Variants in FHAD1 observed in about 807,000 individuals in gnomAD.
FHAD1 encodes forkhead associated phosphopeptide binding domain 1, also known as forkhead-associated domain-containing protein 1.
Under a neutral mutation model 191.3 loss-of-function variants are expected in FHAD1, and 146 were observed. The ratio of observed to expected loss-of-function variants is 0.76; its 90% CI spans 0.67 to 0.88. The LOEUF is 0.88. Among genes scored for constraint, FHAD1 ranks in the 40% least tolerant of loss-of-function variants. The pLI is 0.00. For synonymous variants in FHAD1, 616 were observed against 672.3 expected, an observed-to-expected ratio of 0.92 and a Z score of 1.29; for missense variants, 1,635 against 1,785.8, an observed-to-expected ratio of 0.92 and a Z score of 1.52.
intron 8 of FHAD1, chr1:15,314,329 C>T (rs1002589030): frequency 1.3e-5 from 2 of 152,132 alleles, no homozygotes; most frequent in African/African-American, 2.4e-5. Flanking sequence ...GACCGCAGTG[C>T]CCCAACTGGA....
intron 8 of FHAD1, 79 bp downstream of exon 8, chr1:15,313,266 C>G (rs1672849988): frequency 7.8e-7 from 1 of 1,286,226 alleles, no homozygotes; most frequent in East Asian, 5.2e-5. Flanking sequence ...ATGCTTGTTT[C>G]ATTCACCCTG....
chr1:15,386,488 G>A (rs532652302), intron 31 of FHAD1, among the ~76,000 whole-genome samples: 22 of 152,380 alleles, frequency 1.4e-4, no homozygotes, highest in Non-Finnish European at 2.8e-4. Flanking sequence ...TAAATGCACA[G>A]AAGTTGCCCT....
At chr1:15,310,143 G>A (rs545090878) in intron 7 of FHAD1, among the ~76,000 whole-genome samples, 3 of 152,354 alleles carry the variant, frequency 2.0e-5, no homozygotes, top group African/African-American at 7.2e-5. Context: ...AGGTGGTGGA[G>A]AGGGAATGAG....
Position 15,329,420 on chromosome 1 carries a change from C to T in FHAD1, c.1785C>T (p.Ser595=). Residue 595 remains serine, a synonymous_variant, in exon 14 of 34, where the codon AGC becomes AGT. Coordinates refer to ENST00000688493, the MANE Select transcript of FHAD1 (RefSeq NM_001391957.1). This position sits in a 1 kb window ranked among gnomAD's most constrained non-coding sequence, Gnocchi z 5.0. ...EVDLLQHLQV[S]PPVSGLQKVV... is the part of the protein sequence containing the mutation. ...ACCTTCTTCAGCACCTCCAGGTGAG[C>T]CCACCTGTCTCGGGGCTCCAGAAGG... The T allele has an allele frequency of 1.3e-6, 2 of 1,551,266 alleles. No homozygotes were observed. Among genetic ancestry groups the T allele is most frequent in the Non-Finnish European group, 1.7e-6 (2 of 1,146,954 alleles).
rs1196686789 is a variant in FHAD1 at position 15,361,990 on chromosome 1, G to A, written c.2963-652G>A. Among the ~76,000 whole-genome samples, 4 of 148,752 alleles carry A rather than the reference G, an allele frequency of 2.7e-5. No individual in the cohort carries two copies. In the Admixed American group the frequency reaches 2.7e-4, roughly 10 times the overall value. On this transcript the variant is annotated intron_variant, in intron 22 of 33. Transcript: ENST00000688493. The stretch of plus-strand genomic sequence containing the variant: ...TTGCACTCCAGCCTAGCAACAAAGC[G>A]AGACTCTGTCTCAAAAAAAAAAAAA...
chr1:15,393,692 T>C (rs1261051824), intron 33 of FHAD1, among the ~76,000 whole-genome samples: 3 of 150,548 alleles, frequency 2.0e-5, no homozygotes, highest in Non-Finnish European at 4.4e-5. Flanking sequence ...AACCTCCACT[T>C]CCCAGGCTCA....
At chr1:15,337,643 A>G (rs1684774493) in intron 14 of FHAD1, among the ~76,000 whole-genome samples, 1 of 152,188 alleles carries the variant, frequency 6.6e-6, no homozygotes, top group East Asian at 1.9e-4. Context: ...GACAGCCCCA[A>G]CAGCAAAGAC....
chr1:15,321,984 G>T (rs1280166271), intron 10 of FHAD1, among the ~76,000 whole-genome samples: 1 of 152,192 alleles, frequency 6.6e-6, no homozygotes, highest in Non-Finnish European at 1.5e-5. Context: ...GGCTTCATTT[G>T]TTTCTATTTA....
chr1:15,301,697 A>C (rs1668829864), intron 6 of FHAD1, among the ~76,000 whole-genome samples: 1 of 152,204 alleles, frequency 6.6e-6, no homozygotes, highest in African/African-American at 2.4e-5. Flanking sequence ...TAAACCTCAC[A>C]ATCCTCTGAC....
At chr1:15,354,153 T>C (rs2102519612) in intron 20 of FHAD1, among the ~76,000 whole-genome samples, 1 of 152,292 alleles carries the variant, frequency 6.6e-6, no homozygotes, top group South Asian at 2.1e-4. Context: ...AAAGAAAGGT[T>C]TGCAAACATT....
rs1658312801 is a variant in FHAD1, at chr1:15,276,202, T to C, written c.300+3673T>C. On this transcript the variant is annotated intron_variant, in intron 3 of 33. Coordinates refer to ENST00000688493, the MANE Select transcript of FHAD1 (RefSeq NM_001391957.1). The surrounding 1 kb of genome is among the most constrained non-coding windows in gnomAD (Gnocchi z 4.7). ...AAATTGGAATCCTAATAGTTCCTCA[T>C]GTGGGGTTACTGTAGTAGTAAACGG... is the stretch of plus-strand genomic sequence containing the variant. 1.3e-5 allele frequency among the ~76,000 whole-genome samples: 2 copies of C among 152,218 alleles called. No individual in the cohort carries two copies. Among genetic ancestry groups the C allele is most frequent in the Admixed American group, 1.3e-4 (2 of 15,284 alleles).
chr1:15,399,223 CT>C (rs1187717143), downstream of FHAD1, among the ~76,000 whole-genome samples: 3 of 152,162 alleles, frequency 2.0e-5, no homozygotes, highest in African/African-American at 7.2e-5. Context: ...AGGACAAACT[CT>C]TTGTGTGATA....
At position 15,329,185 on chromosome 1, in the gene FHAD1, TA is replaced by T; in HGVS notation, c.1711-156del. ...TATTAAAAAAAAACCTGTCAAAACA[TA>T]AAAATTTTAAAAAAGAAAAAAACTG... On this transcript the variant is annotated intron_variant, in intron 13 of 33. Transcript: ENST00000688493. The surrounding 1 kb of genome is among the most constrained non-coding windows in gnomAD (Gnocchi z 5.0). The T allele has an allele frequency of 3.7e-6, 2 of 543,968 alleles. No homozygotes were observed. Among genetic ancestry groups the T allele is most frequent in the Non-Finnish European group, 6.4e-6 (2 of 313,688 alleles). 33.7% of individuals were successfully genotyped at this position (543,968 alleles called of 1,614,324 possible).
chr1:15,349,707 C>T (rs964606687), intron 19 of FHAD1, among the ~76,000 whole-genome samples: 2 of 152,150 alleles, frequency 1.3e-5, no homozygotes, highest in African/African-American at 4.8e-5. Context: ...ATAGTAAGCA[C>T]GTATGGTTGT....
Position 15,272,439 on chromosome 1 carries a change from A to C in FHAD1, c.210A>C (p.Gln70His). 2 of 1,551,580 alleles carry C rather than the reference A, an allele frequency of 1.3e-6. No homozygotes were observed. The highest frequency in any genetic ancestry group is 8.7e-7 in the Non-Finnish European group (1 of 1,146,990). ...CGTTTGTCAACGAGTGCCACATTCA[A>C]AACGTGGCTGTGAAGCTCATCCCTG... ...NGTFVNECHI[Q>H]NVAVKLIPGD... The change falls in exon 3 of 34, where the codon CAA becomes CAC. Residue 70 changes from glutamine to histidine, a missense_variant. Physicochemically the swap from Gln to His is conservative, Grantham distance 24. Coordinates refer to ENST00000688493, the MANE Select transcript of FHAD1 (RefSeq NM_001391957.1).
rs1348190285 is a variant in FHAD1, at chr1:15,328,307, GACA to G, written c.1592_1594del (p.Asn531del). On this transcript the variant is annotated inframe_deletion, in exon 13 of 34. Transcript: ENST00000688493. ...AGAGAAAATTACCCAGGTCACTGAG[GACA>G]ACATCAATTTTCAGCAGAAAAAGTG... is the stretch of plus-strand genomic sequence containing the variant. 7 of 1,537,234 alleles carry G rather than the reference GACA, an allele frequency of 4.6e-6. No individual in the cohort carries two copies. The East Asian group carries it at 1.7e-4, about 38-fold the overall frequency.
intron 33 of FHAD1, chr1:15,393,354 CG>C (rs1401865800): frequency 6.6e-6 from 1 of 152,012 alleles, no homozygotes; most frequent in Non-Finnish European, 1.5e-5. Flanking sequence ...TGAGCCACCG[CG>C]CCTGGCCAAA....
chr1:15,238,142 G>A (rs1279661023), intron 1 of FHAD1, among the ~76,000 whole-genome samples: 1 of 151,470 alleles, frequency 6.6e-6, no homozygotes, highest in Non-Finnish European at 1.5e-5. Context: ...AGCTACTCAG[G>A]AGGCTGAGGC....
At chr1:15,369,737 G>T (rs577146087) in intron 26 of FHAD1, among the ~76,000 whole-genome samples, 2 of 152,170 alleles carry the variant, frequency 1.3e-5, no homozygotes, top group Non-Finnish European at 2.9e-5. Context: ...AGGCCTCCAC[G>T]TTCTCACATG....
Sources: gnomAD v4.1 joint callset for allele counts (sites outside exome capture counted in the v4.1 genomes callset) on GRCh38, gnomAD v4.1.1 for gene constraint, Gnocchi (gnomAD v3.1) non-coding constraint, MANE v1.5 for transcripts, NCBI Gene and HGNC (gene_info 2026-07-23, HGNC 2026-07-21) for gene names.